RFX8: variants seen among roughly 807,000 people sequenced by gnomAD.
RFX8 encodes the protein regulatory factor X8.
RFX8 carries 46 observed loss-of-function variants against 54.6 expected under a neutral mutation model. The observed-to-expected ratio is 0.84, with a 90% CI of 0.67 to 1.08. The LOEUF is 1.08. Ranked by LOEUF, RFX8 falls within the 50% of genes least tolerant of loss-of-function variation. The pLI, the probability that RFX8 is intolerant of heterozygous loss-of-function variation, is 0.00. For synonymous variants in RFX8, 192 were observed against 209.5 expected (o/e 0.92, Z 0.72); for missense variants, 536 against 562.3 (o/e 0.95, Z 0.47).
chr2:101,469,109 T>TATATACAC (rs1558897018), intron 1 of RFX8, among the ~76,000 whole-genome samples: 1 of 26,048 alleles, frequency 3.8e-5, no homozygotes, highest in Non-Finnish European at 9.0e-5. Context: ...TATATATAAG[T>TATATACAC]GTATATATAT....
At chr2:101,425,202 A>G (rs760653438) in intron 2 of RFX8, among the ~76,000 whole-genome samples, 4 of 152,184 alleles carry the variant, frequency 2.6e-5, no homozygotes, top group Non-Finnish European at 5.9e-5. Context: ...AATGTCTCAT[A>G]ATGAAAGACC....
intron 1 of RFX8, among the ~76,000 whole-genome samples, chr2:101,472,013 GCATTGGTAACA>G (rs1251708497): frequency 3.3e-5 from 5 of 151,988 alleles, no homozygotes; most frequent in African/African-American, 1.2e-4. Context: ...TGCTCCTCCA[GCATTGGTAACA>G]CCTTCCAGGC....
At chr2:101,468,977 A>T (rs1211280577) in intron 1 of RFX8, among the ~76,000 whole-genome samples, 1 of 135,194 alleles carries the variant, frequency 7.4e-6, no homozygotes, top group African/African-American at 2.8e-5. Context: ...TATATATGTA[A>T]GTATATATAT....
chr2:101,458,694 T>C (rs913600002), intron 2 of RFX8, among the ~76,000 whole-genome samples: 2 of 152,204 alleles, frequency 1.3e-5, no homozygotes, highest in African/African-American at 4.8e-5. Flanking sequence ...TGTCTTGGGT[T>C]GCTCTTTTTG....
At position 101,469,044 on chromosome 2, in the gene RFX8, A is replaced by ACG. The variant is rs1260012771; in HGVS notation, c.-52-2145_-52-2144insCG. Among the ~76,000 whole-genome samples, 96 of 47,716 alleles carry ACG rather than the reference A, an allele frequency of 2.0e-3. 1 individual carries two copies. Among genetic ancestry groups the ACG allele is most frequent in the African/African-American group, 6.4e-3 (87 of 13,634 alleles). 31.3% of individuals were successfully genotyped at this position (47,716 alleles called of 152,430 possible). A position where few individuals can be genotyped will look rare whatever the true frequency, so the allele number is the denominator to read the frequency against. ...TATATATATATACGTATATATATGT[A>ACG]TATATATATACGTATATATATGTAT... On this transcript the variant is annotated intron_variant, in intron 1 of 11. Coordinates refer to ENST00000428343, the MANE Select transcript of RFX8 (RefSeq NM_001145664.2).
chr2:101,469,029 TAC>T (rs72165407), intron 1 of RFX8, among the ~76,000 whole-genome samples: 1,579 of 58,944 alleles, frequency 0.027, 20 homozygotes, highest in East Asian at 0.081. Context: ...TATATATATA[TAC>T]GTATATATAT....
At chr2:101,422,523 T>G in intron 2 of RFX8, 51 bp from the exon 3 acceptor site, 2 of 1,123,142 alleles carry the variant, frequency 1.8e-6, no homozygotes, top group Non-Finnish European at 2.6e-6. Flanking sequence ...AATACTTTTT[T>G]TGGCATATAA....
Position 101,456,636 on chromosome 2 carries a change from G to A in RFX8, c.72+10141C>T, listed in dbSNP as rs141731900. On this transcript the variant is annotated intron_variant, in intron 2 of 11. Coordinates refer to ENST00000428343, the MANE Select transcript of RFX8 (RefSeq NM_001145664.2). ...TGCCAGTATTTTATTGAGGATTTTC[G>A]TATCGATGTTCATCAGGGATATTGG... Among the ~76,000 whole-genome samples the A allele has an allele frequency of 4.2e-3, 642 of 152,174 alleles. 3 individuals carry two copies. Among genetic ancestry groups the A allele is most frequent in the African/African-American group, 0.015 (604 of 41,504 alleles).
At chr2:101,438,181 G>A (rs966775103) in intron 2 of RFX8, among the ~76,000 whole-genome samples, 10 of 147,468 alleles carry the variant, frequency 6.8e-5, no homozygotes, top group Non-Finnish European at 1.3e-4. Flanking sequence ...TATCATTTGT[G>A]TTACAAACAA....
At chr2:101,458,959 T>C (rs556002517) in intron 2 of RFX8, among the ~76,000 whole-genome samples, 3 of 152,362 alleles carry the variant, frequency 2.0e-5, no homozygotes, top group South Asian at 2.1e-4. Context: ...TTTCATTAAT[T>C]TGATCTTCAA....
chr2:101,449,842 C>T (rs185356671), intron 2 of RFX8, among the ~76,000 whole-genome samples: 1 of 152,004 alleles, frequency 6.6e-6, no homozygotes, highest in East Asian at 1.9e-4. Flanking sequence ...CGGGGAGAGC[C>T]TAAGCTTAAT....
intron 11 of RFX8, among the ~76,000 whole-genome samples, chr2:101,401,651 A>G (rs988243712): frequency 1.3e-5 from 2 of 152,262 alleles, no homozygotes; most frequent in Middle Eastern, 3.4e-3. Context: ...CCACTCCTCA[A>G]TGGAGGCATT....
rs543484782 is a variant in RFX8, at chr2:101,473,241, T to C, written c.-53+1395A>G. Among the ~76,000 whole-genome samples the C allele has an allele frequency of 2.6e-5, 4 of 152,284 alleles. No homozygotes were observed. The South Asian group carries it at 8.3e-4, about 32-fold the overall frequency. ...AGTCTCTGGAGCATAATTTAAACCC[T>C]GGAAACTCTAATTTACTAAATGGCG... On this transcript the variant is annotated intron_variant, in intron 1 of 11. Coordinates refer to ENST00000428343, the MANE Select transcript of RFX8 (RefSeq NM_001145664.2).
intron 1 of RFX8, among the ~76,000 whole-genome samples, chr2:101,468,970 ATATG>A (rs1430871064): frequency 7.2e-6 from 1 of 139,842 alleles, no homozygotes; most frequent in African/African-American, 2.7e-5. Flanking sequence ...GCATATATAT[ATATG>A]TAAGTATATA....
intron 2 of RFX8, among the ~76,000 whole-genome samples, chr2:101,445,913 G>A (rs948056666): frequency 6.6e-6 from 1 of 152,136 alleles, no homozygotes; most frequent in African/African-American, 2.4e-5. Flanking sequence ...AAACCAGAGA[G>A]ATAAACTTAT....
intron 2 of RFX8, among the ~76,000 whole-genome samples, chr2:101,440,908 C>T (rs1297806251): frequency 2.0e-5 from 3 of 151,486 alleles, no homozygotes; most frequent in Non-Finnish European, 4.4e-5. Context: ...TCCTTTTATC[C>T]TTATATAAGG....
At chr2:101,472,541 T>C (rs1432476993) in intron 1 of RFX8, among the ~76,000 whole-genome samples, 1 of 152,044 alleles carries the variant, frequency 6.6e-6, no homozygotes, top group East Asian at 1.9e-4. Context: ...GGATAGGAAC[T>C]TGTAATATGG....
chr2:101,435,799 G>A lies in RFX8; in HGVS notation c.73-13327C>T, dbSNP rs547816952. 2.9e-4 allele frequency among the ~76,000 whole-genome samples: 44 copies of A among 150,890 alleles called. No homozygotes were observed. In the Middle Eastern group the frequency reaches 0.014, roughly 47 times the overall value. On this transcript the variant is annotated intron_variant, in intron 2 of 11. Coordinates refer to ENST00000428343, the MANE Select transcript of RFX8 (RefSeq NM_001145664.2). ...CTTTGTGAGGTGGTCTTGTTCATAT[G>A]GCACACATTGCACATTTATGGTCAT...
At chr2:101,448,897 C>G (rs764888476) in intron 2 of RFX8, among the ~76,000 whole-genome samples, 1 of 152,162 alleles carries the variant, frequency 6.6e-6, no homozygotes, top group Non-Finnish European at 1.5e-5. Flanking sequence ...AAAGAAGGCT[C>G]AAAGAGCAGG....
Sources: gnomAD v4.1 joint callset for allele counts (sites outside exome capture counted in the v4.1 genomes callset) on GRCh38, gnomAD v4.1.1 for gene constraint, MANE v1.5 for transcripts, NCBI Gene and HGNC (gene_info 2026-07-23, HGNC 2026-07-21) for gene names.